CACNA1A: variants seen among roughly 807,000 people sequenced by gnomAD.
CACNA1A encodes the protein voltage-dependent P/Q-type calcium channel subunit alpha-1A.
Under a neutral mutation model 262.4 loss-of-function variants are expected in CACNA1A, and 57 were observed. That is an observed-to-expected ratio of 0.22 (90% CI 0.18 to 0.27). The LOEUF is 0.27. Among genes scored for constraint, CACNA1A ranks in the 10% least tolerant of loss-of-function variants. The pLI is 1.00. For missense variants in CACNA1A, 2,526 were observed against 3,562.8 expected (o/e 0.71, Z 7.41); for synonymous variants, 1,431 against 1,419.3 (o/e 1.01, Z -0.18).
intron 1 of CACNA1A, among the ~76,000 whole-genome samples, chr19:13,484,148 T>C (rs1347306287): frequency 1.3e-5 from 2 of 152,086 alleles, no homozygotes; most frequent in African/African-American, 4.8e-5. Context: ...CCCCGTTCTA[T>C]AAAAAATGGA....
chr19:13,342,841 C>A lies in CACNA1A; in HGVS notation c.979-6932G>T, dbSNP rs556822583. Among the ~76,000 whole-genome samples, 13 of 152,318 alleles carry A rather than the reference C, an allele frequency of 8.5e-5. No homozygotes were observed. The East Asian group carries it at 2.3e-3, about 27-fold the overall frequency. Reference sequence around the variant, plus strand: ...CATGTAGCATGAGCAGGAAATACATCTGTTGTCAAAAGTCATGGAGGCTTT... The same window carrying A: ...CATGTAGCATGAGCAGGAAATACATATGTTGTCAAAAGTCATGGAGGCTTT... On this transcript the variant is annotated intron_variant, in intron 6 of 46. Coordinates refer to ENST00000360228, the MANE Select transcript of CACNA1A (RefSeq NM_001127222.2).
rs1381984621 is a variant in CACNA1A, at chr19:13,240,171, C to CGA, written c.4951-4443_4951-4442dup. Among the ~76,000 whole-genome samples the CGA allele has an allele frequency of 4.9e-4, 70 of 143,208 alleles. 1 individual carries two copies. The South Asian group carries it at 0.011, about 23-fold the overall frequency. 94.0% of individuals were successfully genotyped at this position (143,208 alleles called of 152,430 possible). A position where few individuals can be genotyped will look rare whatever the true frequency, so the allele number is the denominator to read the frequency against. On this transcript the variant is annotated intron_variant, in intron 31 of 46. Coordinates refer to ENST00000360228, the MANE Select transcript of CACNA1A (RefSeq NM_001127222.2). ...GTCTAAAAAAAAAAAAAAAAAAGAGCGAGAGAGAGAGAGAATTGGAGAATG... is the reference window on the plus strand; with the variant it reads ...GTCTAAAAAAAAAAAAAAAAAAGAGCGAGAGAGAGAGAGAGAATTGGAGAATG...
At chr19:13,393,481 T>C (rs1455611760) in intron 3 of CACNA1A, among the ~76,000 whole-genome samples, 1 of 151,228 alleles carries the variant, frequency 6.6e-6, no homozygotes, top group Non-Finnish European at 1.5e-5. Context: ...TAAACGTTGG[T>C]GCTGTTTTTT....
intron 1 of CACNA1A, among the ~76,000 whole-genome samples, chr19:13,480,839 T>C (rs1979203408): frequency 6.6e-6 from 1 of 152,208 alleles, no homozygotes; most frequent in South Asian, 2.1e-4. Flanking sequence ...GCTGAGTTCT[T>C]ACCATGTGCT....
intron 3 of CACNA1A, among the ~76,000 whole-genome samples, chr19:13,413,507 G>A (rs968104740): frequency 1.3e-5 from 2 of 149,070 alleles, no homozygotes; most frequent in African/African-American, 5.0e-5. Flanking sequence ...AGGAGGTCAC[G>A]GCTGCAGAAA....
chr19:13,217,830 CT>C (rs1372999949), intron 38 of CACNA1A, among the ~76,000 whole-genome samples: 1 of 151,824 alleles, frequency 6.6e-6, no homozygotes, highest in African/African-American at 2.4e-5. Context: ...GGCCCATTGA[CT>C]TGCTCCTGGG....
Position 13,299,129 on chromosome 19 carries a change from GTGT to G in CACNA1A, c.2501_2503del (p.Asn834del), listed in dbSNP as rs750962335. 92 of 1,613,050 alleles carry G rather than the reference GTGT, an allele frequency of 5.7e-5. No homozygotes were observed. Among genetic ancestry groups the G allele is most frequent in the Non-Finnish European group, 7.4e-5 (87 of 1,179,832 alleles). On this transcript the variant is annotated inframe_deletion, in exon 19 of 47. Coordinates refer to ENST00000360228, the MANE Select transcript of CACNA1A (RefSeq NM_001127222.2). ...GGGCTCGGCCGCCCGGCTCTTGTTG[GTGT>G]TGTTGTTGCGGTTCTCCTGCGGGTC...
At chr19:13,443,938 T>A (rs748283828) in intron 3 of CACNA1A, among the ~76,000 whole-genome samples, 2 of 152,104 alleles carry the variant, frequency 1.3e-5, no homozygotes, top group Non-Finnish European at 2.9e-5. Flanking sequence ...ATAATACACA[T>A]AAAACTCTTA....
intron 6 of CACNA1A, among the ~76,000 whole-genome samples, chr19:13,347,558 C>T (rs13382150): frequency 0.42 from 63,975 of 152,052 alleles, 15,214 homozygotes; most frequent in Admixed American, 0.55. Context: ...CATGCTCATT[C>T]ACTTACGCGC....
intron 1 of CACNA1A, among the ~76,000 whole-genome samples, chr19:13,487,716 C>A (rs765097710): frequency 6.6e-6 from 1 of 151,720 alleles, no homozygotes; most frequent in African/African-American, 2.4e-5. Flanking sequence ...TAACCATTAG[C>A]TCTAAGGCTG....
intron 38 of CACNA1A, among the ~76,000 whole-genome samples, chr19:13,223,756 C>T (rs978862511): frequency 9.9e-5 from 15 of 152,276 alleles, no homozygotes; most frequent in African/African-American, 3.6e-4. Flanking sequence ...CCCCAGGGAT[C>T]CATGAGACAC....
intron 1 of CACNA1A, among the ~76,000 whole-genome samples, chr19:13,500,453 T>TGA (rs1982245954): frequency 6.6e-6 from 1 of 152,208 alleles, no homozygotes; most frequent in Non-Finnish European, 1.5e-5. Context: ...TAATCTTTCT[T>TGA]ATTTCTCTGA....
chr19:13,480,963 G>A lies in CACNA1A; in HGVS notation c.293+24969C>T, dbSNP rs371611614. On this transcript the variant is annotated intron_variant, in intron 1 of 46. Coordinates refer to ENST00000360228, the MANE Select transcript of CACNA1A (RefSeq NM_001127222.2). ...ATTATTCATTGAGACCGTGGACTCC[G>A]AATCTAGATAGCCTAGGCTGAAATC... Among the ~76,000 whole-genome samples the A allele has an allele frequency of 5.3e-5, 8 of 152,228 alleles. No homozygotes were observed. In the East Asian group the frequency reaches 5.8e-4, roughly 11 times the overall value.
rs73922605 is a variant in CACNA1A at position 13,499,710 on chromosome 19, C to T, written c.293+6222G>A. ...AAATAGGCTCTGGTGCCCAAGATAA[C>T]ATGGCTGGTGAATAATGTGAACCTG... On this transcript the variant is annotated intron_variant, in intron 1 of 46. Coordinates refer to ENST00000360228, the MANE Select transcript of CACNA1A (RefSeq NM_001127222.2). Among the ~76,000 whole-genome samples the T allele has an allele frequency of 1.9e-3, 296 of 152,274 alleles. 2 individuals carry two copies. Among genetic ancestry groups the T allele is most frequent in the African/African-American group, 6.9e-3 (285 of 41,552 alleles).
At chr19:13,216,323 TTTATTA>T (rs921718035) in intron 38 of CACNA1A, among the ~76,000 whole-genome samples, 3 of 152,080 alleles carry the variant, frequency 2.0e-5, no homozygotes, top group Admixed American at 1.3e-4. Flanking sequence ...GGCCAGAGCA[TTTATTA>T]TTATTTTTAT....
intron 10 of CACNA1A, among the ~76,000 whole-genome samples, chr19:13,322,462 A>G (rs2058274947): frequency 6.6e-6 from 1 of 152,178 alleles, no homozygotes; most frequent in Non-Finnish European, 1.5e-5. Context: ...TGTTGTTTTA[A>G]GCCACTGGGT....
In CACNA1A at chr19:13,304,659, C is replaced by CAA. The variant is rs34159456; in HGVS notation, c.1987-777_1987-776dup. Among the ~76,000 whole-genome samples, 399 of 103,418 alleles carry CAA rather than the reference C, an allele frequency of 3.9e-3. 1 individual carries two copies. Among genetic ancestry groups the CAA allele is most frequent in the Middle Eastern group, 6.3e-3 (1 of 160 alleles). 67.8% of individuals were successfully genotyped at this position (103,418 alleles called of 152,430 possible). On this transcript the variant is annotated intron_variant, in intron 15 of 46. Coordinates refer to ENST00000360228, the MANE Select transcript of CACNA1A (RefSeq NM_001127222.2). ...AGATTTTTTTTTGAGATTTTTGTCT[C>CAA]AAAAAAAAAAAAAAAAAAAGAACAG...
intron 22 of CACNA1A, among the ~76,000 whole-genome samples, chr19:13,280,639 C>T (rs2057267021): frequency 6.6e-6 from 1 of 151,936 alleles, no homozygotes; most frequent in African/African-American, 2.4e-5. Context: ...CTCAAAACAG[C>T]ATCATAAAGA....
Position 13,312,239 on chromosome 19 carries a change from A to G in CACNA1A, c.1668+430T>C, listed in dbSNP as rs1019760241. ...AATAACAAAGGACCATAATGGCTCC[A>G]TAATGCCAGGGTGTTGTAATCTAAC... On this transcript the variant is annotated intron_variant, in intron 12 of 46. Transcript: ENST00000360228. Among the ~76,000 whole-genome samples the G allele has an allele frequency of 5.9e-5, 9 of 152,260 alleles. 1 individual carries two copies. Among genetic ancestry groups the G allele is most frequent in the South Asian group, 4.1e-4 (2 of 4,838 alleles).
Sources: gnomAD v4.1 joint callset for allele counts (sites outside exome capture counted in the v4.1 genomes callset) on GRCh38, gnomAD v4.1.1 for gene constraint, MANE v1.5 for transcripts, NCBI Gene and HGNC (gene_info 2026-07-23, HGNC 2026-07-21) for gene names.